The following NOL4 variants were observed in gnomAD, a reference collection of about 807,000 sequenced individuals.
NOL4 encodes nucleolar protein 4, also known as cancer/testis antigen 125.
NOL4 carries 17 observed loss-of-function variants against 75.9 expected under a neutral mutation model. The ratio of observed to expected loss-of-function variants is 0.22; its 90% CI spans 0.15 to 0.34. The LOEUF (loss-of-function observed/expected upper bound fraction) is 0.34, where lower values mean the gene tolerates loss of function less well. Among genes scored for constraint, NOL4 ranks in the 10% least tolerant of loss-of-function variants. The pLI, the probability that NOL4 is intolerant of heterozygous loss-of-function variation, is 1.00. For missense variants in NOL4, 614 were observed against 793.5 expected (o/e 0.77, Z 2.72); for synonymous variants, 292 against 289.9 (o/e 1.01, Z -0.07).
At chr18:34,056,116 G>A (rs1016969623) in intron 5 of NOL4, among the ~76,000 whole-genome samples, 1 of 152,088 alleles carries the variant, frequency 6.6e-6, no homozygotes, top group Non-Finnish European at 1.5e-5. Flanking sequence ...AGAAAGTTCA[G>A]TGATTTGCCT....
intron 5 of NOL4, among the ~76,000 whole-genome samples, chr18:34,025,111 A>G (rs1221667918): frequency 3.9e-5 from 6 of 152,196 alleles, no homozygotes; most frequent in African/African-American, 1.4e-4. Context: ...TTTTATAAAA[A>G]TCTGGAAAAA....
chr18:34,122,735 G>A (rs1427962254), intron 2 of NOL4, among the ~76,000 whole-genome samples: 1 of 152,030 alleles, frequency 6.6e-6, no homozygotes, highest in Non-Finnish European at 1.5e-5. Flanking sequence ...ACATCTCCTT[G>A]CTATTATACT....
chr18:34,083,626 G>T (rs1401699045), intron 5 of NOL4, among the ~76,000 whole-genome samples: 1 of 152,176 alleles, frequency 6.6e-6, no homozygotes, highest in Non-Finnish European at 1.5e-5. Flanking sequence ...AGAAAAGGTT[G>T]TCCAAAGTTG....
At chr18:33,918,117 G>A (rs2066833332) in intron 9 of NOL4, among the ~76,000 whole-genome samples, 1 of 152,108 alleles carries the variant, frequency 6.6e-6, no homozygotes. Flanking sequence ...GGGACCCAAA[G>A]GCTTATTTCC....
intron 1 of NOL4, among the ~76,000 whole-genome samples, chr18:34,154,370 G>C (rs2029942157): frequency 6.6e-6 from 1 of 151,866 alleles, no homozygotes; most frequent in Non-Finnish European, 1.5e-5. Context: ...ACCCCTACAA[G>C]CTCCCTTTGA....
intron 5 of NOL4, among the ~76,000 whole-genome samples, chr18:34,060,092 T>C (rs78278828): frequency 0.11 from 17,172 of 152,142 alleles, 1,064 homozygotes; most frequent in Middle Eastern, 0.15. Context: ...ACTAAAGTGG[T>C]TATTGTTTTA....
chr18:33,922,445 A>C (rs948644899), intron 9 of NOL4, among the ~76,000 whole-genome samples: 2 of 152,194 alleles, frequency 1.3e-5, no homozygotes, highest in African/African-American at 4.8e-5. Context: ...TATTATCTAC[A>C]TAAAGTTATT....
intron 9 of NOL4, among the ~76,000 whole-genome samples, chr18:33,895,691 C>A (rs1254718022): frequency 6.6e-6 from 1 of 151,970 alleles, no homozygotes; most frequent in Non-Finnish European, 1.5e-5. Flanking sequence ...AAACCCACAG[C>A]CAATATTATA....
chr18:34,173,359 T>C (rs2033229686), intron 1 of NOL4, among the ~76,000 whole-genome samples: 1 of 152,088 alleles, frequency 6.6e-6, no homozygotes, highest in South Asian at 2.1e-4. Flanking sequence ...TATTATTTGA[T>C]ATTTGATGAG....
chr18:33,853,188 G>A (rs2062695190), intron 10 of NOL4, among the ~76,000 whole-genome samples, 153 bp from the exon 11 acceptor site: 1 of 152,122 alleles, frequency 6.6e-6, no homozygotes, highest in African/African-American at 2.4e-5. Flanking sequence ...CTCTCAGAAA[G>A]ATTAATGAGC....
intron 5 of NOL4, among the ~76,000 whole-genome samples, chr18:34,087,748 CTTTT>C (rs966062342): frequency 6.7e-6 from 1 of 150,110 alleles, no homozygotes; most frequent in Admixed American, 6.7e-5. Flanking sequence ...GTACATTTGC[CTTTT>C]TTTTTGACTA....
At chr18:34,180,850 T>C (rs2033976857) in intron 1 of NOL4, among the ~76,000 whole-genome samples, 1 of 151,440 alleles carries the variant, frequency 6.6e-6, no homozygotes, top group Non-Finnish European at 1.5e-5. Context: ...AAGAATAAAA[T>C]AGGCAAAAAT....
chr18:34,139,978 G>C (rs1031351652), intron 1 of NOL4, among the ~76,000 whole-genome samples: 17 of 152,188 alleles, frequency 1.1e-4, no homozygotes, highest in African/African-American at 4.1e-4. Context: ...TTTCCATGTA[G>C]TTGAGCAGTT....
chr18:34,063,293 C>A (rs1206601325), intron 5 of NOL4, among the ~76,000 whole-genome samples: 1 of 152,068 alleles, frequency 6.6e-6, no homozygotes, highest in African/African-American at 2.4e-5. Context: ...GGTCTCAACA[C>A]AAGTACTCCC....
chr18:34,164,229 G>A (rs80033133), intron 1 of NOL4, among the ~76,000 whole-genome samples: 75,914 of 151,036 alleles, frequency 0.5, 19,203 homozygotes, highest in Admixed American at 0.57. Context: ...ACAAAAGCCA[G>A]AATTGACAAA....
At chr18:34,109,681 A>C (rs2079489055) in intron 2 of NOL4, among the ~76,000 whole-genome samples, 1 of 152,198 alleles carries the variant, frequency 6.6e-6, no homozygotes, top group East Asian at 1.9e-4. Flanking sequence ...GAAATAAAAA[A>C]GGTAGAGACC....
chr18:33,988,106 T>A (rs1015842973), intron 6 of NOL4, among the ~76,000 whole-genome samples: 2 of 152,078 alleles, frequency 1.3e-5, no homozygotes, highest in Non-Finnish European at 2.9e-5. Context: ...AAGGTCCAAA[T>A]GTTTTTAATG....
At chr18:33,995,953 T>A (rs752245677) in intron 6 of NOL4, among the ~76,000 whole-genome samples, 2 of 151,688 alleles carry the variant, frequency 1.3e-5, no homozygotes, top group Non-Finnish European at 3.0e-5. Flanking sequence ...TATAATGTTG[T>A]TTAAGTCTTC....
intron 1 of NOL4, among the ~76,000 whole-genome samples, chr18:34,208,374 G>A (rs926728464): frequency 2.6e-5 from 4 of 151,706 alleles, no homozygotes; most frequent in Non-Finnish European, 2.9e-5. Context: ...GTCCATTTTA[G>A]CAAGATCCTC....
Sources: gnomAD v4.1 joint callset for allele counts (sites outside exome capture counted in the v4.1 genomes callset) on GRCh38, gnomAD v4.1.1 for gene constraint, MANE v1.5 for transcripts, NCBI Gene and HGNC (gene_info 2026-07-23, HGNC 2026-07-21) for gene names.